DCC: variants seen among roughly 807,000 people sequenced by gnomAD.
DCC encodes the protein DCC netrin 1 receptor, also known as netrin receptor DCC.
A neutral mutation model predicts 172.5 loss-of-function variants in DCC; 58 were observed. The observed-to-expected ratio is 0.34, with a 90% CI of 0.27 to 0.42. The LOEUF is 0.42. Ranked by LOEUF, DCC falls within the 10% of genes least tolerant of loss-of-function variation. DCC has a pLI of 1.00. For synonymous variants in DCC, 709 were observed against 644.5 expected, an observed-to-expected ratio of 1.10 and a Z score of -1.52; for missense variants, 1,740 against 1,791.0, an observed-to-expected ratio of 0.97 and a Z score of 0.51.
intron 28 of DCC, among the ~76,000 whole-genome samples, chr18:53,528,873 GAATAT>G (rs1417803032): frequency 2.6e-5 from 4 of 151,988 alleles, no homozygotes; most frequent in African/African-American, 9.7e-5. Context: ...CACATTTTAA[GAATAT>G]AATAGTTACA....
chr18:53,121,563 C>G (rs981565319), intron 7 of DCC, among the ~76,000 whole-genome samples: 3 of 151,800 alleles, frequency 2.0e-5, no homozygotes, highest in African/African-American at 7.3e-5. Flanking sequence ...AGTCTCTGTT[C>G]CCCAGGATTA....
intron 9 of DCC, among the ~76,000 whole-genome samples, chr18:53,179,431 C>T (rs868500784): frequency 6.6e-6 from 1 of 152,178 alleles, no homozygotes; most frequent in Admixed American, 6.5e-5. Flanking sequence ...TGAGTTTCAG[C>T]CTCCTCTGTT....
At chr18:52,744,300 C>T (rs1285764248) in intron 1 of DCC, among the ~76,000 whole-genome samples, 1 of 152,068 alleles carries the variant, frequency 6.6e-6, no homozygotes, top group Admixed American at 6.5e-5. Context: ...GAGGGAGAAA[C>T]TTTGACTGTT....
chr18:52,827,145 G>A (rs1013367156), intron 2 of DCC, among the ~76,000 whole-genome samples: 1 of 152,172 alleles, frequency 6.6e-6, no homozygotes, highest in Non-Finnish European at 1.5e-5. Flanking sequence ...GCCAGGGCCT[G>A]GAGGGGGCCC....
At chr18:53,380,414 C>G (rs1453710999) in intron 15 of DCC, among the ~76,000 whole-genome samples, 1 of 152,122 alleles carries the variant, frequency 6.6e-6, no homozygotes, top group Non-Finnish European at 1.5e-5. Context: ...GATATCAAAG[C>G]ACTATAGCCC....
rs189012272 is a variant in DCC at position 52,991,017 on chromosome 18, A to G, written c.985+65647A>G. ...GGTTACATAAATCGCCTAAGTTCATACAGCTAGTAAGCGGAGGAGACACAA... is the reference window on the plus strand; with the variant it reads ...GGTTACATAAATCGCCTAAGTTCATGCAGCTAGTAAGCGGAGGAGACACAA... On this transcript the variant is annotated intron_variant, in intron 5 of 28. Coordinates refer to ENST00000442544, the MANE Select transcript of DCC (RefSeq NM_005215.4). 3.9e-5 allele frequency among the ~76,000 whole-genome samples: 6 copies of G among 152,346 alleles called. No homozygotes were observed. In the East Asian group the frequency reaches 1.2e-3, roughly 29 times the overall value.
At chr18:53,173,672 C>T (rs1001623194) in intron 8 of DCC, among the ~76,000 whole-genome samples, 4 of 151,640 alleles carry the variant, frequency 2.6e-5, no homozygotes, top group Non-Finnish European at 4.4e-5. Flanking sequence ...CACCAAGATT[C>T]ATAAAGCAAG....
chr18:52,949,350 G>T (rs985211918), intron 5 of DCC, among the ~76,000 whole-genome samples: 12 of 152,144 alleles, frequency 7.9e-5, no homozygotes, highest in Admixed American at 6.5e-4. Context: ...AAAGTGAAGG[G>T]CATTTCTTGG....
intron 1 of DCC, among the ~76,000 whole-genome samples, chr18:52,599,309 A>G (rs2033970425): frequency 6.6e-6 from 1 of 152,062 alleles, no homozygotes; most frequent in Non-Finnish European, 1.5e-5. Context: ...GGGGTCGAAA[A>G]ACCTTTTCTG....
intron 12 of DCC, among the ~76,000 whole-genome samples, chr18:53,282,020 T>C (rs1024017661): frequency 1.3e-5 from 2 of 151,848 alleles, no homozygotes; most frequent in South Asian, 2.1e-4. Flanking sequence ...TTTCTCCTTA[T>C]AGCCTTTGCA....
intron 1 of DCC, among the ~76,000 whole-genome samples, chr18:52,489,318 G>T (rs2030385074): frequency 6.6e-6 from 1 of 152,026 alleles, no homozygotes; most frequent in South Asian, 2.1e-4. Flanking sequence ...TGAAGGCAAA[G>T]ATTCATATTT....
At chr18:53,384,309 A>G (rs1263884320) in intron 15 of DCC, among the ~76,000 whole-genome samples, 2 of 152,180 alleles carry the variant, frequency 1.3e-5, no homozygotes, top group Non-Finnish European at 2.9e-5. Context: ...AAAATGTTAT[A>G]TAAAGCCTGA....
At chr18:53,331,010 C>T (rs147036815) in intron 14 of DCC, among the ~76,000 whole-genome samples, 1 of 152,280 alleles carries the variant, frequency 6.6e-6, no homozygotes, top group East Asian at 1.9e-4. Context: ...ATGTGTAACA[C>T]TTACATAGTT....
At chr18:53,474,250 T>G (rs1326163614) in intron 25 of DCC, among the ~76,000 whole-genome samples, 1 of 152,166 alleles carries the variant, frequency 6.6e-6, no homozygotes, top group Non-Finnish European at 1.5e-5. Flanking sequence ...ATATAGTATA[T>G]TCATATAGTG....
chr18:52,636,247 G>A (rs1375548334), intron 1 of DCC, among the ~76,000 whole-genome samples: 4 of 152,108 alleles, frequency 2.6e-5, no homozygotes, highest in Admixed American at 1.3e-4. Flanking sequence ...GGGATCCAAC[G>A]AGAGAGGACC....
intron 10 of DCC, among the ~76,000 whole-genome samples, chr18:53,206,419 A>G (rs556875173): frequency 1.0e-4 from 8 of 79,260 alleles, no homozygotes; most frequent in Non-Finnish European, 1.3e-4. Flanking sequence ...TGTAACACAT[A>G]TATGTATATA....
intron 7 of DCC, among the ~76,000 whole-genome samples, chr18:53,154,649 G>A (rs981416506): frequency 3.3e-5 from 5 of 152,132 alleles, no homozygotes; most frequent in African/African-American, 9.7e-5. Context: ...CAGTGGAGAC[G>A]CAATAGTGTG....
At chr18:52,806,932 C>T (rs1199488930) in intron 2 of DCC, among the ~76,000 whole-genome samples, 12 of 152,252 alleles carry the variant, frequency 7.9e-5, no homozygotes, top group South Asian at 2.1e-4. Flanking sequence ...CAGTGGCTCA[C>T]GCCTGTAATC....
chr18:53,197,046 G>C (rs934997295), intron 9 of DCC, among the ~76,000 whole-genome samples: 2 of 151,912 alleles, frequency 1.3e-5, no homozygotes, highest in Non-Finnish European at 2.9e-5. Flanking sequence ...CATTAAAGCT[G>C]TTAACTACAG....
Sources: allele counts gnomAD v4.1 joint callset (sites outside exome capture counted in the v4.1 genomes callset), GRCh38; gene constraint gnomAD v4.1.1; transcripts MANE v1.5; gene names NCBI Gene and HGNC (gene_info 2026-07-23, HGNC 2026-07-21).